DCC: variants seen among roughly 807,000 people sequenced by gnomAD.
The protein encoded by DCC is netrin receptor DCC.
A neutral mutation model predicts 172.5 loss-of-function variants in DCC; 58 were observed. That is an observed-to-expected ratio of 0.34 (90% CI 0.27 to 0.42). The LOEUF is 0.42. DCC is among the 10% of genes least tolerant of loss of function. The pLI, the probability that DCC is intolerant of heterozygous loss-of-function variation, is 1.00. For missense variants in DCC, 1,740 were observed against 1,791.0 expected, an observed-to-expected ratio of 0.97 and a Z score of 0.51; for synonymous variants, 709 against 644.5, an observed-to-expected ratio of 1.10 and a Z score of -1.52.
chr18:52,610,403 A>G (rs1435480668), intron 1 of DCC, among the ~76,000 whole-genome samples: 4 of 137,634 alleles, frequency 2.9e-5, no homozygotes, highest in Non-Finnish European at 1.5e-5. Flanking sequence ...AAAAAAAAAA[A>G]AAAAGAAAAA....
chr18:52,697,849 G>A (rs2036039297), intron 1 of DCC, among the ~76,000 whole-genome samples: 1 of 152,106 alleles, frequency 6.6e-6, no homozygotes. Flanking sequence ...ATATGATTGA[G>A]AATCTATTTT....
At chr18:53,231,948 C>A (rs956662713) in intron 12 of DCC, among the ~76,000 whole-genome samples, 7 of 152,108 alleles carry the variant, frequency 4.6e-5, no homozygotes, top group Admixed American at 4.6e-4. Flanking sequence ...CCTTTTACGT[C>A]ATCTTCAAGC....
At chr18:53,134,813 C>CTGT (rs2043715557) in intron 7 of DCC, among the ~76,000 whole-genome samples, 1 of 152,164 alleles carries the variant, frequency 6.6e-6, no homozygotes, top group Non-Finnish European at 1.5e-5. Context: ...GTGGGGCTTA[C>CTGT]AGAAGCAAGA....
chr18:53,378,176 G>C (rs1160655232), intron 15 of DCC, among the ~76,000 whole-genome samples: 1 of 152,006 alleles, frequency 6.6e-6, no homozygotes, highest in Non-Finnish European at 1.5e-5. Context: ...GGTCGGGCTG[G>C]TCTCGAACTC....
chr18:52,924,810 C>A (rs1325053322), intron 4 of DCC, among the ~76,000 whole-genome samples: 1 of 151,948 alleles, frequency 6.6e-6, no homozygotes, highest in Non-Finnish European at 1.5e-5. Flanking sequence ...GTGTTCTCTG[C>A]GTATAGCCAA....
At chr18:52,957,955 G>A (rs1159244937) in intron 5 of DCC, among the ~76,000 whole-genome samples, 2 of 152,124 alleles carry the variant, frequency 1.3e-5, no homozygotes, top group Non-Finnish European at 2.9e-5. Flanking sequence ...AGCACAGATT[G>A]GGAGAAGAGG....
chr18:52,549,234 G>A (rs1218910315), intron 1 of DCC, among the ~76,000 whole-genome samples: 2 of 152,016 alleles, frequency 1.3e-5, no homozygotes, highest in African/African-American at 4.8e-5. Flanking sequence ...GTCAGTTCCT[G>A]CATTTAGCAT....
chr18:52,415,836 A>C (rs1324096921), intron 1 of DCC, among the ~76,000 whole-genome samples: 2 of 152,112 alleles, frequency 1.3e-5, no homozygotes, highest in Non-Finnish European at 2.9e-5. Context: ...TCCTGGATTC[A>C]TTAATTTTTG....
intron 1 of DCC, among the ~76,000 whole-genome samples, chr18:52,583,555 T>C (rs575244439): frequency 6.6e-6 from 1 of 152,336 alleles, no homozygotes; most frequent in South Asian, 2.1e-4. Flanking sequence ...ATAAATTGCA[T>C]TATGACCTAT....
chr18:52,999,187 C>G (rs7507060), intron 5 of DCC, among the ~76,000 whole-genome samples: 2 of 151,762 alleles, frequency 1.3e-5, no homozygotes, highest in Admixed American at 1.3e-4. Flanking sequence ...GTTTTTTCTT[C>G]TGGGGCAACA....
intron 1 of DCC, among the ~76,000 whole-genome samples, chr18:52,559,022 C>A (rs1299010675): frequency 6.6e-6 from 1 of 152,212 alleles, no homozygotes; most frequent in Non-Finnish European, 1.5e-5. Context: ...CTACTCGTTT[C>A]TCCACTACCC....
chr18:53,215,899 C>T (rs1038567201), intron 12 of DCC, among the ~76,000 whole-genome samples: 6 of 152,276 alleles, frequency 3.9e-5, no homozygotes, highest in Middle Eastern at 3.4e-3. Context: ...ACATCTGCTT[C>T]GTCTATATTC....
At chr18:52,548,749 A>T (rs1028832766) in intron 1 of DCC, among the ~76,000 whole-genome samples, 1 of 152,138 alleles carries the variant, frequency 6.6e-6, no homozygotes, top group Middle Eastern at 3.2e-3. Flanking sequence ...GTTTACATTC[A>T]GATGGAATAT....
At position 53,450,666 on chromosome 18, in the gene DCC, G is replaced by C. The variant is rs1485137186; in HGVS notation, c.3392+4G>C. The C allele has an allele frequency of 6.2e-7, 1 of 1,610,004 alleles. No homozygotes were observed. Among genetic ancestry groups the C allele is most frequent in the East Asian group, 2.2e-5 (1 of 44,850 alleles). The stretch of plus-strand genomic sequence containing the variant: ...GCTCTTCAGCCCAGCAGAGAAAGTA[G>C]GTAACAGCTGGTTCCCAAGAGGAAA... On this transcript the variant is annotated splice_donor_region_variant and intron_variant, in intron 23 of 28. Transcript: ENST00000442544.
intron 11 of DCC, among the ~76,000 whole-genome samples, chr18:53,210,776 T>C (rs1217871339): frequency 6.6e-6 from 1 of 152,208 alleles, no homozygotes; most frequent in Non-Finnish European, 1.5e-5. Flanking sequence ...TGTAAATACA[T>C]TTCTTCCAAT....
At chr18:53,198,332 T>C (rs991595073) in intron 9 of DCC, among the ~76,000 whole-genome samples, 30 of 152,080 alleles carry the variant, frequency 2.0e-4, no homozygotes, top group African/African-American at 7.0e-4. Flanking sequence ...CATGGAATCT[T>C]TGATGCTAAT....
intron 7 of DCC, among the ~76,000 whole-genome samples, chr18:53,103,159 C>T (rs749790007): frequency 3.1e-4 from 47 of 151,944 alleles, no homozygotes; most frequent in Non-Finnish European, 6.8e-4. Context: ...CCGTGGTATA[C>T]AAAAACTCAA....
At chr18:52,798,487 A>G (rs561472381) in intron 2 of DCC, among the ~76,000 whole-genome samples, 131 of 152,286 alleles carry the variant, frequency 8.6e-4, no homozygotes, top group African/African-American at 3.1e-3. Flanking sequence ...TACAGGCATG[A>G]GCCACTGCAC....
chr18:52,480,605 G>A lies in DCC; in HGVS notation c.91+139727G>A, dbSNP rs2165651. On this transcript the variant is annotated intron_variant, in intron 1 of 28. Transcript: ENST00000442544. ...AAGAAACAAATGAGTGAATATATTTGCAGAGTAATTAGAACAGTACGTTGT... is the reference window on the plus strand; with the variant it reads ...AAGAAACAAATGAGTGAATATATTTACAGAGTAATTAGAACAGTACGTTGT... Among the ~76,000 whole-genome samples the A allele has an allele frequency of 4.7e-3, 714 of 152,210 alleles. 1 individual carries two copies. Among genetic ancestry groups the A allele is most frequent in the Middle Eastern group, 0.017 (5 of 294 alleles).
Sources: gnomAD v4.1 joint callset for allele counts (sites outside exome capture counted in the v4.1 genomes callset) on GRCh38, gnomAD v4.1.1 for gene constraint, MANE v1.5 for transcripts, NCBI Gene and HGNC (gene_info 2026-07-23, HGNC 2026-07-21) for gene names.